BEND3: variants seen among roughly 807,000 people sequenced by gnomAD.
The protein encoded by BEND3 is BEN domain-containing protein 3.
In BEND3, 13 loss-of-function variants were observed where a neutral mutation model predicts 60.1. The ratio of observed to expected loss-of-function variants is 0.22; its 90% CI spans 0.14 to 0.34. The LOEUF (loss-of-function observed/expected upper bound fraction) is 0.34, where lower values mean the gene tolerates loss of function less well. BEND3 is among the 10% of genes least tolerant of loss of function. BEND3 has a pLI of 1.00. For missense variants in BEND3, 896 were observed against 1,138.1 expected (o/e 0.79, Z 3.06); for synonymous variants, 497 against 491.5 (o/e 1.01, Z -0.15).
chr6:107,093,546 G>C (rs1411552877), intron 3 of BEND3, among the ~76,000 whole-genome samples: 1 of 151,774 alleles, frequency 6.6e-6, no homozygotes, highest in Non-Finnish European at 1.5e-5. Context: ...ATCAAGACAG[G>C]GTGGTACTGG....
At position 107,065,224 on chromosome 6, in the gene BEND3, GTT is replaced by G. The variant is rs1554230628; in HGVS notation, c.*3478_*3479del. The G allele has an allele frequency of 6.6e-6, 1 of 152,578 alleles. No individual in the cohort carries two copies. Among genetic ancestry groups the G allele is most frequent in the Non-Finnish European group, 1.5e-5 (1 of 68,026 alleles). 9.5% of individuals were successfully genotyped at this position (152,578 alleles called of 1,614,324 possible). A position where few individuals can be genotyped will look rare whatever the true frequency, so the allele number is the denominator to read the frequency against. ...CATTTTATATAACTCATAAAACAGT[GTT>G]TGTATAAAAATTCACACAAAGTTGC... On this transcript the variant is annotated 3_prime_UTR_variant, in exon 4 of 4. Coordinates refer to ENST00000369042, the MANE Select transcript of BEND3 (RefSeq NM_001367314.1).
chr6:107,097,260 G>A (rs1775604523), intron 3 of BEND3, among the ~76,000 whole-genome samples: 1 of 151,696 alleles, frequency 6.6e-6, no homozygotes, highest in East Asian at 2.0e-4. Flanking sequence ...CCAGCTACTC[G>A]GGAGGCTGAG....
chr6:107,101,149 C>T (rs1383684735), intron 1 of BEND3, among the ~76,000 whole-genome samples: 4 of 152,106 alleles, frequency 2.6e-5, no homozygotes, highest in African/African-American at 9.7e-5. Context: ...TTGCAGTGAG[C>T]CAAGATCACA....
In BEND3 at chr6:107,065,521, C is replaced by A. The variant is rs1480897055; in HGVS notation, c.*3183G>T. 1 of 135,580 alleles carries A rather than the reference C, an allele frequency of 7.4e-6. No individual in the cohort carries two copies. The highest frequency in any genetic ancestry group is 2.8e-5 in the African/African-American group (1 of 36,086). The allele number at this position is 135,580 out of a possible 1,614,324, so 8.4% of individuals were successfully genotyped here. ...AGCAGTAATAGCCCCTTGGCCCTCA[C>A]CCCCACTTCATGTATCTATACAGTC... On this transcript the variant is annotated 3_prime_UTR_variant, in exon 4 of 4. Coordinates refer to ENST00000369042, the MANE Select transcript of BEND3 (RefSeq NM_001367314.1).
Position 107,087,132 on chromosome 6 carries a change from G to A in BEND3, c.240+11419C>T, listed in dbSNP as rs551526975. Among the ~76,000 whole-genome samples the A allele has an allele frequency of 2.0e-5, 3 of 151,388 alleles. No individual in the cohort carries two copies. In the East Asian group the frequency reaches 5.8e-4, roughly 29 times the overall value. ...GGACCACTTGAGGTCAGGAATTCGA[G>A]ACCAGCCTGGTCAACATGGCGAAAC... On this transcript the variant is annotated intron_variant, in intron 3 of 3. Coordinates refer to ENST00000369042, the MANE Select transcript of BEND3 (RefSeq NM_001367314.1).
chr6:107,098,686 A>C lies in BEND3; in HGVS notation c.105T>G (p.Asn35Lys). Residue 35 changes from asparagine to lysine, a missense_variant, in exon 3 of 4, where the codon AAT becomes AAG. Transcript: ENST00000369042. The part of the protein sequence containing the change: ...AEDAALDCSV[N>K]SRTSEKHSVD... Reference sequence around the variant, plus strand: ...CAGAGTGCTTCTCAGAAGTCCTGGAATTCACGGAGCAGTCCAGAGCAGCAT... The same window carrying C: ...CAGAGTGCTTCTCAGAAGTCCTGGACTTCACGGAGCAGTCCAGAGCAGCAT... 1 of 1,614,134 alleles carries C rather than the reference A, an allele frequency of 6.2e-7. No homozygotes were observed. Among genetic ancestry groups the C allele is most frequent in the Non-Finnish European group, 8.5e-7 (1 of 1,180,028 alleles).
intron 3 of BEND3, among the ~76,000 whole-genome samples, chr6:107,078,153 T>C (rs9384641): frequency 0.44 from 66,729 of 151,956 alleles, 14,826 homozygotes; most frequent in African/African-American, 0.47. Flanking sequence ...AGGTTTTTTC[T>C]TCTAAGCATT....
intron 3 of BEND3, among the ~76,000 whole-genome samples, chr6:107,084,465 G>T (rs1775298576): frequency 6.6e-6 from 1 of 151,136 alleles, no homozygotes; most frequent in Admixed American, 6.6e-5. Flanking sequence ...GCACCAATCA[G>T]CACTCTGTAA....
Position 107,102,010 on chromosome 6 carries a change from G to A in BEND3, c.-11-2714C>T, listed in dbSNP as rs901837773. Among the ~76,000 whole-genome samples the A allele has an allele frequency of 1.1e-4, 16 of 152,146 alleles. No individual in the cohort carries two copies. In the East Asian group the frequency reaches 2.1e-3, roughly 20 times the overall value. ...AAAAGGCAGAGAGGGAGGAGACAGCGGTTGGTTTATTTGGGGAGGAAAAGG... is the reference window on the plus strand; with the variant it reads ...AAAAGGCAGAGAGGGAGGAGACAGCAGTTGGTTTATTTGGGGAGGAAAAGG... On this transcript the variant is annotated intron_variant, in intron 1 of 3. Transcript: ENST00000369042.
intron 3 of BEND3, among the ~76,000 whole-genome samples, chr6:107,084,792 G>C (rs192858214): frequency 1.3e-5 from 2 of 152,294 alleles, no homozygotes; most frequent in Non-Finnish European, 2.9e-5. Context: ...TCTGTGTCTA[G>C]CTAAAGGACT....
In BEND3 at chr6:107,069,842, A is replaced by T; in HGVS notation, c.1349T>A (p.Ile450Asn). 1 of 1,613,470 alleles carries T rather than the reference A, an allele frequency of 6.2e-7. No homozygotes were observed. The highest frequency in any genetic ancestry group is 8.5e-7 in the Non-Finnish European group (1 of 1,179,924). ...GTAGATCTCCGTGTAGTTGCGGATG[A>T]TCTGCAGCCGCTGCGGGTCCAGCTC... ...KQELDPQRLQIIRNYTEIYFP... is the reference protein window; with the variant it reads ...KQELDPQRLQNIRNYTEIYFP... Residue 450 changes from isoleucine (I) to asparagine (N), a missense_variant, in exon 4 of 4, where the codon ATC becomes AAC. Physicochemically the swap from Ile to Asn is moderately radical, Grantham distance 149 (BLOSUM62 -3). Around this residue, in one of 4 missense-constraint regions of BEND3, gnomAD observed 846 missense variants for 1,036.7 expected, o/e 0.82. Coordinates refer to ENST00000369042, the MANE Select transcript of BEND3 (RefSeq NM_001367314.1).
chr6:107,072,246 T>A (rs1273565367), intron 3 of BEND3, among the ~76,000 whole-genome samples: 1 of 151,844 alleles, frequency 6.6e-6, no homozygotes, highest in Non-Finnish European at 1.5e-5. Context: ...TTGGGAAGAG[T>A]ACAGGTGGCT....
chr6:107,067,520 G>A lies in BEND3; in HGVS notation c.*1184C>T, dbSNP rs2114989862. 6.6e-6 allele frequency: 1 copy of A among 152,360 alleles called. No homozygotes were observed. The highest frequency in any genetic ancestry group is 1.9e-4 in the East Asian group (1 of 5,180). 9.4% of individuals were successfully genotyped at this position (152,360 alleles called of 1,614,324 possible). A position where few individuals can be genotyped will look rare whatever the true frequency, so the allele number is the denominator to read the frequency against. On this transcript the variant is annotated 3_prime_UTR_variant, in exon 4 of 4. Coordinates refer to ENST00000369042, the MANE Select transcript of BEND3 (RefSeq NM_001367314.1). ...GGGGGTGGCCAGGTATAGGACAGCA[G>A]GACCTTCTAGAGAGTCCAAGAGGAA...
At chr6:107,097,842 C>T (rs797033511) in intron 3 of BEND3, among the ~76,000 whole-genome samples, 1 of 148,352 alleles carries the variant, frequency 6.7e-6, no homozygotes, top group Non-Finnish European at 1.5e-5. Context: ...ACTCAGTGTT[C>T]CATGATGTGG....
At chr6:107,072,711 G>A (rs1336179267) in intron 3 of BEND3, among the ~76,000 whole-genome samples, 11 of 152,178 alleles carry the variant, frequency 7.2e-5, no homozygotes, top group African/African-American at 2.2e-4. Context: ...ACGGCTGGGC[G>A]TGGTGGCTCA....
chr6:107,096,972 G>A (rs1248568894), intron 3 of BEND3, among the ~76,000 whole-genome samples: 4 of 151,436 alleles, frequency 2.6e-5, no homozygotes, highest in Admixed American at 1.3e-4. Flanking sequence ...GCGACAGAGC[G>A]AGACCCTGTC....
At chr6:107,102,133 G>A (rs771497080) in intron 1 of BEND3, among the ~76,000 whole-genome samples, 2 of 152,096 alleles carry the variant, frequency 1.3e-5, no homozygotes, top group African/African-American at 4.8e-5. Context: ...AACAGGCGTC[G>A]ATGAGAGAAC....
intron 1 of BEND3, among the ~76,000 whole-genome samples, chr6:107,112,369 G>A (rs1336719686): frequency 6.6e-6 from 1 of 152,172 alleles, no homozygotes; most frequent in Non-Finnish European, 1.5e-5. Flanking sequence ...AGAACCCACA[G>A]GGAGAGGATG....
At chr6:107,072,525 C>T (rs1265516394) in intron 3 of BEND3, among the ~76,000 whole-genome samples, 2 of 152,156 alleles carry the variant, frequency 1.3e-5, no homozygotes, top group Non-Finnish European at 2.9e-5. Context: ...TTCTCTGCAG[C>T]CTCAGCCAAC....
Sources: allele counts gnomAD v4.1 joint callset (sites outside exome capture counted in the v4.1 genomes callset), GRCh38; gene constraint gnomAD v4.1.1; regional missense constraint gnomAD v4.1.1; transcripts MANE v1.5; gene names NCBI Gene and HGNC (gene_info 2026-07-23, HGNC 2026-07-21).